Variants in DLC1 observed in about 807,000 individuals in gnomAD.
DLC1 encodes the protein DLC1 Rho GTPase activating protein.
Under a neutral mutation model 140.3 loss-of-function variants are expected in DLC1, and 54 were observed. The observed-to-expected ratio is 0.38, with a 90% CI of 0.31 to 0.48. The LOEUF is 0.48. DLC1 is among the 20% of genes least tolerant of loss of function. DLC1 has a pLI of 0.96. For missense variants in DLC1, 2,536 were observed against 1,907.0 expected, an observed-to-expected ratio of 1.33 and a Z score of -6.14; for synonymous variants, 986 against 728.1, an observed-to-expected ratio of 1.35 and a Z score of -5.70.
chr8:13,550,367 A>G (rs369633652), intron 1 of DLC1, among the ~76,000 whole-genome samples: 1 of 152,150 alleles, frequency 6.6e-6, no homozygotes, highest in East Asian at 1.9e-4. Flanking sequence ...CTCCCCAGCC[A>G]TGAGGAACTG....
intron 1 of DLC1, among the ~76,000 whole-genome samples, chr8:13,592,767 C>T (rs552698158): frequency 8.5e-5 from 13 of 152,086 alleles, no homozygotes; most frequent in Non-Finnish European, 1.9e-4. Context: ...CAGTTTCTTT[C>T]TGGTGCAGTT....
Position 13,500,199 on chromosome 8 carries a change from A to T in DLC1, c.-125-3T>A. On this transcript the variant is annotated splice_polypyrimidine_tract_variant and splice_region_variant and intron_variant, in intron 1 of 17. Transcript: ENST00000276297. ...AATGAGTTCTGTCATTTCACCACCT[A>T]TTAAAAAATTCAAAAAAATATGTAG... is the stretch of plus-strand genomic sequence containing the variant. 1 of 837,684 alleles carries T rather than the reference A, an allele frequency of 1.2e-6. No homozygotes were observed. Among genetic ancestry groups the T allele is most frequent in the South Asian group, 2.2e-5 (1 of 46,164 alleles). 51.9% of individuals were successfully genotyped at this position (837,684 alleles called of 1,614,324 possible).
At chr8:13,334,323 G>C (rs1216344887) in intron 4 of DLC1, among the ~76,000 whole-genome samples, 1 of 152,100 alleles carries the variant, frequency 6.6e-6, no homozygotes, top group Non-Finnish European at 1.5e-5. Flanking sequence ...GTGGAAGATG[G>C]GGGAGAAGAG....
At chr8:13,556,303 A>C (rs1211141798) in intron 1 of DLC1, among the ~76,000 whole-genome samples, 1 of 152,150 alleles carries the variant, frequency 6.6e-6, no homozygotes, top group Non-Finnish European at 1.5e-5. Flanking sequence ...ACTAGTCACA[A>C]AATCCTAGAG....
At chr8:13,476,323 T>C (rs1440943020) in intron 2 of DLC1, among the ~76,000 whole-genome samples, 1 of 152,212 alleles carries the variant, frequency 6.6e-6, no homozygotes, top group African/African-American at 2.4e-5. Flanking sequence ...AAATCTGGAT[T>C]GAGGTTTTGA....
At position 13,149,496 on chromosome 8, in the gene DLC1, T is replaced by C. The variant is rs188770939; in HGVS notation, c.1349-33839A>G. 3.3e-4 allele frequency among the ~76,000 whole-genome samples: 51 copies of C among 152,316 alleles called. No homozygotes were observed. In the East Asian group the frequency reaches 9.1e-3, roughly 27 times the overall value. Reference sequence around the variant, plus strand: ...CAATCCCCTGCTAATTGTCAGGTCATAAAAATATAGTATTTGCCCTCTCTG... The same window carrying C: ...CAATCCCCTGCTAATTGTCAGGTCACAAAAATATAGTATTTGCCCTCTCTG... On this transcript the variant is annotated intron_variant, in intron 5 of 17. Coordinates refer to ENST00000276297, the MANE Select transcript of DLC1 (RefSeq NM_182643.3).
intron 1 of DLC1, among the ~76,000 whole-genome samples, chr8:13,541,726 T>C (rs1329581322): frequency 6.6e-6 from 1 of 152,050 alleles, no homozygotes; most frequent in Non-Finnish European, 1.5e-5. Flanking sequence ...ATTTTTTGTA[T>C]TTTTAGTAGA....
At chr8:13,423,037 G>T (rs1585082113) in intron 2 of DLC1, among the ~76,000 whole-genome samples, 1 of 152,112 alleles carries the variant, frequency 6.6e-6, no homozygotes, top group Non-Finnish European at 1.5e-5. Flanking sequence ...GAGTTGGGGG[G>T]TGATGTAAGA....
intron 2 of DLC1, among the ~76,000 whole-genome samples, chr8:13,442,341 A>G (rs566152414): frequency 3.3e-5 from 5 of 152,238 alleles, no homozygotes; most frequent in Non-Finnish European, 7.3e-5. Context: ...AACAAAAGTC[A>G]AAATTGACAA....
At chr8:13,558,330 C>T (rs1445548034) in intron 1 of DLC1, 3 of 151,958 alleles carry the variant, frequency 2.0e-5, no homozygotes, top group East Asian at 1.9e-4. Flanking sequence ...GAAGAGAAGC[C>T]GCCAGTTTGG....
At chr8:13,413,252 TGCGA>T (rs1249227303) in intron 2 of DLC1, among the ~76,000 whole-genome samples, 3 of 130,448 alleles carry the variant, frequency 2.3e-5, no homozygotes, top group African/African-American at 8.5e-5. Flanking sequence ...GAGATTTTTT[TGCGA>T]TTTTTTTTTT....
chr8:13,598,663 C>T (rs1442133275), intron 1 of DLC1, among the ~76,000 whole-genome samples: 1 of 151,922 alleles, frequency 6.6e-6, no homozygotes, highest in Non-Finnish European at 1.5e-5. Flanking sequence ...TCTTACATAA[C>T]TCAATATAAT....
At chr8:13,200,455 G>C (rs1827317444) in intron 5 of DLC1, among the ~76,000 whole-genome samples, 2 of 152,174 alleles carry the variant, frequency 1.3e-5, no homozygotes, top group African/African-American at 4.8e-5. Context: ...AAAAGTGGCA[G>C]AGCTGATTCC....
chr8:13,343,923 T>A (rs193092408), intron 4 of DLC1, among the ~76,000 whole-genome samples: 25 of 152,138 alleles, frequency 1.6e-4, no homozygotes, highest in Non-Finnish European at 2.9e-4. Flanking sequence ...TTGAAATACT[T>A]AGTTGCTTAA....
chr8:13,516,876 T>C (rs541793863), upstream of DLC1, among the ~76,000 whole-genome samples: 4 of 152,198 alleles, frequency 2.6e-5, no homozygotes, highest in African/African-American at 9.6e-5. Flanking sequence ...AGTCAAATGA[T>C]ACAAAGTGCC....
intron 2 of DLC1, among the ~76,000 whole-genome samples, chr8:13,453,422 A>ATTTTTTTTTTTTTTTTTTTTTT (rs1554523043): frequency 3.7e-4 from 12 of 32,570 alleles, no homozygotes; most frequent in African/African-American, 1.8e-3. Flanking sequence ...ATATATATAT[A>ATTTTTTTTTTTTTTTTTTTTTT]TGTGTATATA....
chr8:13,243,840 T>C (rs562066042), intron 5 of DLC1, among the ~76,000 whole-genome samples: 52 of 152,200 alleles, frequency 3.4e-4, no homozygotes, highest in Non-Finnish European at 7.1e-4. Flanking sequence ...TCTCATTCTC[T>C]TCCTATTTGT....
chr8:13,242,314 C>T (rs1829575741), intron 5 of DLC1, among the ~76,000 whole-genome samples: 1 of 151,910 alleles, frequency 6.6e-6, no homozygotes, highest in African/African-American at 2.4e-5. Context: ...ATTTCTGACA[C>T]ACATAGATTG....
intron 5 of DLC1, among the ~76,000 whole-genome samples, chr8:13,255,016 G>C (rs1830161263): frequency 6.7e-6 from 1 of 150,004 alleles, no homozygotes; most frequent in Non-Finnish European, 1.5e-5. Context: ...CCACTCTGTT[G>C]CCCAGGCTTG....
Sources: gnomAD v4.1 joint callset for allele counts (sites outside exome capture counted in the v4.1 genomes callset) on GRCh38, gnomAD v4.1.1 for gene constraint, MANE v1.5 for transcripts, NCBI Gene and HGNC (gene_info 2026-07-23, HGNC 2026-07-21) for gene names.